The following ASMT variants were observed in gnomAD, a reference collection of about 807,000 sequenced individuals.
The protein encoded by ASMT is acetylserotonin O-methyltransferase.
ASMT carries 53 observed loss-of-function variants against 41.3 expected under a neutral mutation model. The observed-to-expected ratio is 1.28, with a 90% CI of 1.03 to 1.61. The LOEUF (loss-of-function observed/expected upper bound fraction) is 1.61, where lower values mean the gene tolerates loss of function less well. ASMT is among the 40% of genes most tolerant of loss of function. ASMT has a pLI of 0.00. For missense variants in ASMT, 531 were observed against 441.3 expected, an observed-to-expected ratio of 1.20 and a Z score of -1.82; for synonymous variants, 231 against 184.8, an observed-to-expected ratio of 1.25 and a Z score of -2.03.
At chrX:1,616,819 C>T (rs1210578852) in intron 1 of ASMT, among the ~76,000 whole-genome samples, 2 of 151,594 alleles carry the variant, frequency 1.3e-5, no homozygotes, top group East Asian at 3.9e-4. Flanking sequence ...CGCCATTCTC[C>T]TGCCTCAGCC....
intron 5 of ASMT, among the ~76,000 whole-genome samples, chrX:1,632,256 A>G (rs183532665): frequency 1.3e-5 from 2 of 152,184 alleles, no homozygotes; most frequent in Admixed American, 6.6e-5. Context: ...GCGTGGCCAT[A>G]TGGAAGTTTG....
intron 8 of ASMT, 84 bp downstream of exon 8, chrX:1,636,644 A>T: frequency 6.2e-7 from 1 of 1,607,714 alleles, no homozygotes; most frequent in Admixed American, 1.7e-5. Context: ...CAGGCACTGA[A>T]ATCATCCCAC....
intron 1 of ASMT, among the ~76,000 whole-genome samples, chrX:1,619,818 G>A (rs770067302): frequency 2.0e-5 from 3 of 151,958 alleles, no homozygotes; most frequent in Admixed American, 6.6e-5. Flanking sequence ...CGGGCCGGGC[G>A]TGGTGGCTCA....
chrX:1,617,697 C>A (rs1239683995), intron 1 of ASMT, among the ~76,000 whole-genome samples: 1 of 151,438 alleles, frequency 6.6e-6, no homozygotes, highest in Non-Finnish European at 1.5e-5. Context: ...CTCACTGCAA[C>A]CTCTGCCTCC....
intron 4 of ASMT, among the ~76,000 whole-genome samples, chrX:1,628,287 C>G (rs187059496): frequency 1.9e-3 from 294 of 152,310 alleles, no homozygotes; most frequent in African/African-American, 6.9e-3. Context: ...CACCACTGCA[C>G]TCCAGCCTGG....
In ASMT at chrX:1,615,479, T is replaced by C. The variant is rs145458299; in HGVS notation, c.69+211T>C. Among the ~76,000 whole-genome samples, 1,087 of 152,114 alleles carry C rather than the reference T, an allele frequency of 7.1e-3. 11 individuals are homozygous for C. The highest frequency in any genetic ancestry group is 0.012 in the Non-Finnish European group (793 of 67,986). On this transcript the variant is annotated intron_variant, in intron 1 of 8. Coordinates refer to ENST00000381241, the MANE Select transcript of ASMT (RefSeq NM_001171038.2). ...GGGGACAGCTTGGTTTGATACATTT[T>C]ACAGAGACATGAGTCATCAATCAAT... is the stretch of plus-strand genomic sequence containing the variant.
intron 3 of ASMT, among the ~76,000 whole-genome samples, chrX:1,627,236 A>G (rs1281515492): frequency 1.8e-4 from 24 of 131,930 alleles, no homozygotes; most frequent in East Asian, 9.6e-4. Context: ...TGAGGTAGGA[A>G]AATCGCTTGA....
chrX:1,621,117 G>T (rs183805105), intron 1 of ASMT, among the ~76,000 whole-genome samples: 1 of 151,910 alleles, frequency 6.6e-6, no homozygotes, highest in Non-Finnish European at 1.5e-5. Flanking sequence ...CAAACAAAAA[G>T]ATAGTGGTAG....
At chrX:1,621,947 G>A (rs1477746651) in intron 1 of ASMT, among the ~76,000 whole-genome samples, 6 of 151,558 alleles carry the variant, frequency 4.0e-5, no homozygotes, top group Non-Finnish European at 7.4e-5. Context: ...CACCTGCCTC[G>A]GCCTCCCAAA....
intron 1 of ASMT, among the ~76,000 whole-genome samples, chrX:1,616,490 G>C (rs1349327941): frequency 1.3e-5 from 2 of 151,212 alleles, no homozygotes; most frequent in South Asian, 2.1e-4. Context: ...TCCCTTTTTG[G>C]GGTGATGCAA....
chrX:1,636,258 C>G (rs1327381308), intron 7 of ASMT, 180 bp from the exon 8 acceptor site: 9 of 945,832 alleles, frequency 9.5e-6, no homozygotes, highest in Non-Finnish European at 1.6e-5. Flanking sequence ...CGCCCGACCT[C>G]AGTATTTTCT....
intron 3 of ASMT, among the ~76,000 whole-genome samples, chrX:1,627,093 G>A (rs1457680026): frequency 6.7e-6 from 1 of 149,152 alleles, no homozygotes; most frequent in African/African-American, 2.5e-5. Flanking sequence ...GGGAGGCCAA[G>A]GCGGGCAGAT....
chrX:1,627,867 C>A (rs1337931341), intron 4 of ASMT, 96 bp downstream of exon 4: 6 of 1,151,934 alleles, frequency 5.2e-6, no homozygotes, highest in Non-Finnish European at 7.9e-6. Context: ...AATGGCACAA[C>A]CCAGGAGGAA....
At chrX:1,621,749 G>T (rs1270756009) in intron 1 of ASMT, among the ~76,000 whole-genome samples, 1 of 152,154 alleles carries the variant, frequency 6.6e-6, no homozygotes, top group Non-Finnish European at 1.5e-5. Flanking sequence ...AGGCTGGAGT[G>T]CAATGGCACG....
intron 3 of ASMT, among the ~76,000 whole-genome samples, chrX:1,625,386 C>A (rs1294880228): frequency 6.6e-6 from 1 of 151,596 alleles, no homozygotes; most frequent in Non-Finnish European, 1.5e-5. Flanking sequence ...GTCCCAGCTA[C>A]TCAGGAGGCT....
At chrX:1,620,924 T>TA (rs1424219020) in intron 1 of ASMT, among the ~76,000 whole-genome samples, 5 of 128,840 alleles carry the variant, frequency 3.9e-5, no homozygotes, top group South Asian at 2.4e-4. Flanking sequence ...CAAATAAAGA[T>TA]ACCAAAAAAA....
chrX:1,628,176 C>T, intron 4 of ASMT: 1 of 243,304 alleles, frequency 4.1e-6, no homozygotes, highest in South Asian at 5.4e-5. Context: ...CAAAAATTAG[C>T]CGGGCGTGGT....
intron 2 of ASMT, 180 bp downstream of exon 2, chrX:1,623,493 G>C (rs1446477235): frequency 3.9e-6 from 1 of 259,550 alleles, no homozygotes; most frequent in African/African-American, 2.3e-5. Context: ...CAGCTACTCA[G>C]GAGGCTGAGG....
intron 7 of ASMT, 91 bp from the exon 8 acceptor site, chrX:1,636,347 C>G (rs1934961632): frequency 3.8e-6 from 6 of 1,589,042 alleles, no homozygotes; most frequent in East Asian, 2.2e-5. Context: ...AAAGGCGTGA[C>G]CCATCCAGGT....
Sources: allele counts gnomAD v4.1 joint callset (sites outside exome capture counted in the v4.1 genomes callset), GRCh38; gene constraint gnomAD v4.1.1; transcripts MANE v1.5; gene names NCBI Gene and HGNC (gene_info 2026-07-23, HGNC 2026-07-21).